The following P4HA3 variants were observed in gnomAD, a reference collection of about 807,000 sequenced individuals.
The protein encoded by P4HA3 is prolyl 4-hydroxylase subunit alpha 3.
Under a neutral mutation model 66.7 loss-of-function variants are expected in P4HA3, and 60 were observed. That is an observed-to-expected ratio of 0.90 (90% CI 0.73 to 1.12). P4HA3 has a LOEUF of 1.12. P4HA3 is among the 50% of genes most tolerant of loss of function. The probability of loss-of-function intolerance (pLI) is 0.00; values close to 1 mark genes in which losing one functional copy is unlikely to be tolerated. For missense variants in P4HA3, 683 were observed against 685.8 expected (o/e 1.00, Z 0.05); for synonymous variants, 263 against 274.6 (o/e 0.96, Z 0.42).
intron 15 of P4HA3, chr11:74,251,856 C>A: frequency 9.7e-7 from 1 of 1,036,022 alleles, no homozygotes; most frequent in Non-Finnish European, 1.5e-6. Flanking sequence ...CAGTGAAGAG[C>A]CTGGCATGTC....
intron 10 of P4HA3, among the ~76,000 whole-genome samples, chr11:74,271,042 G>A (rs149416662): frequency 7.4e-4 from 113 of 152,202 alleles, no homozygotes; most frequent in Middle Eastern, 3.4e-3. Context: ...TTTACCTCAC[G>A]CTGCCTAGCA....
chr11:74,286,995 A>T (rs1335429931), intron 5 of P4HA3: 1 of 660,228 alleles, frequency 1.5e-6, no homozygotes, highest in Non-Finnish European at 1.9e-6. Context: ...CAAATCTCCT[A>T]ACTGGCCTAG....
intron 7 of P4HA3, among the ~76,000 whole-genome samples, chr11:74,280,006 T>G (rs1351766200): frequency 6.6e-6 from 1 of 152,212 alleles, no homozygotes; most frequent in Non-Finnish European, 1.5e-5. Context: ...AAAATTGATA[T>G]ATAATAGTTA....
At position 74,278,485 on chromosome 11, in the gene P4HA3, G is replaced by A. The variant is rs142992828; in HGVS notation, c.1175+903C>T. 4.8e-3 allele frequency among the ~76,000 whole-genome samples: 727 copies of A among 152,292 alleles called. 2 individuals carry two copies. Among genetic ancestry groups the A allele is most frequent in the Non-Finnish European group, 6.6e-3 (446 of 68,026 alleles). ...TGACCTTTGGGAGACCAGCTCCAGC[G>A]AAGTTGTGAGGACAGAACCAAAAGT... On this transcript the variant is annotated intron_variant, in intron 8 of 12. Coordinates refer to ENST00000331597, the MANE Select transcript of P4HA3 (RefSeq NM_182904.5).
intron 5 of P4HA3, among the ~76,000 whole-genome samples, chr11:74,288,805 C>T (rs1860893187): frequency 6.6e-6 from 1 of 151,622 alleles, no homozygotes; most frequent in African/African-American, 2.4e-5. Context: ...AAAAATTAGC[C>T]AGGTGTGGTG....
chr11:74,263,242 C>G (rs1356516302), downstream of P4HA3, among the ~76,000 whole-genome samples: 1 of 152,232 alleles, frequency 6.6e-6, no homozygotes, highest in African/African-American at 2.4e-5. Flanking sequence ...ATGGGCAGAT[C>G]ACTCGACAAG....
At chr11:74,268,032 C>A in intron 12 of P4HA3, 113 bp downstream of exon 12, 1 of 870,638 alleles carries the variant, frequency 1.1e-6, no homozygotes, top group Admixed American at 2.1e-5. Flanking sequence ...TATAATGTGG[C>A]ACTGTAATGA....
At chr11:74,267,987 T>C (rs1860047306) in intron 12 of P4HA3, among the ~76,000 whole-genome samples, 158 bp downstream of exon 12, 1 of 152,206 alleles carries the variant, frequency 6.6e-6, no homozygotes, top group South Asian at 2.1e-4. Context: ...TCCCAGTCTG[T>C]TGGGGGCACC....
intron 3 of P4HA3, among the ~76,000 whole-genome samples, chr11:74,301,448 G>A (rs1158810880): frequency 6.6e-6 from 1 of 152,118 alleles, no homozygotes; most frequent in Non-Finnish European, 1.5e-5. Context: ...ATTGAGCTCT[G>A]ATTCCACTCA....
chr11:74,307,007 T>G (rs945014985), intron 1 of P4HA3, among the ~76,000 whole-genome samples: 42 of 152,266 alleles, frequency 2.8e-4, no homozygotes, highest in African/African-American at 9.9e-4. Flanking sequence ...ACTCCACTGC[T>G]TGATGAAAAA....
At chr11:74,286,497 A>C (rs1432045236) in intron 5 of P4HA3, 106 bp from the exon 6 acceptor site, 2 of 1,066,036 alleles carry the variant, frequency 1.9e-6, no homozygotes, top group Admixed American at 2.8e-5. Context: ...AGGATGGGCA[A>C]GTGGATCTCC....
At chr11:74,253,385 C>T in intron 15 of P4HA3, 1 of 1,169,742 alleles carries the variant, frequency 8.5e-7, no homozygotes, top group South Asian at 1.3e-5. Flanking sequence ...TCAGATTTGC[C>T]AGGGCCTTGG....
chr11:74,262,820 G>A (rs1859929518), downstream of P4HA3, among the ~76,000 whole-genome samples: 1 of 152,130 alleles, frequency 6.6e-6, no homozygotes, highest in East Asian at 1.9e-4. Flanking sequence ...CCCCCAACAG[G>A]AGACTCTTTC....
At chr11:74,298,103 T>C (rs937775851) in intron 4 of P4HA3, 109 bp downstream of exon 4, 3 of 1,371,134 alleles carry the variant, frequency 2.2e-6, no homozygotes, top group Non-Finnish European at 2.9e-6. Flanking sequence ...TTTGGTCCTA[T>C]TGGGAAGATG....
At position 74,302,523 on chromosome 11, in the gene P4HA3, C is replaced by T. The variant is rs755451827; in HGVS notation, c.413G>A (p.Arg138Lys). ...CACGTCCTGCAGCCGCATCAGGGCC[C>T]TTGCTGCTCCCTCAAGGTCCTCAAA... ...PAFEDLEGAA[R>K]ALMRLQDVYM... is the part of the protein sequence containing the mutation. Residue 138 changes from arginine to lysine, a missense_variant, in exon 3 of 13, where the codon AGG becomes AAG. By Grantham distance (26) the Arg-to-Lys change is conservative (BLOSUM62 2). Transcript: ENST00000331597. The T allele has an allele frequency of 6.2e-7, 1 of 1,614,114 alleles. No individual in the cohort carries two copies. The highest frequency in any genetic ancestry group is 8.5e-7 in the Non-Finnish European group (1 of 1,180,048).
downstream of P4HA3, among the ~76,000 whole-genome samples, chr11:74,263,274 A>T (rs936357326): frequency 5.3e-5 from 8 of 152,218 alleles, no homozygotes; most frequent in African/African-American, 7.2e-5. Flanking sequence ...CATTTGTGGA[A>T]CTGATTCATT....
Position 74,298,195 on chromosome 11 carries a change from T to C in P4HA3, c.717+17A>G, listed in dbSNP as rs917429492. 16 of 1,610,272 alleles carry C rather than the reference T, an allele frequency of 9.9e-6. 1 individual carries two copies. In the Admixed American group the frequency reaches 2.7e-4, roughly 27 times the overall value. On this transcript the variant is annotated intron_variant, in intron 4 of 12. Coordinates refer to ENST00000331597, the MANE Select transcript of P4HA3 (RefSeq NM_182904.5). ...ACTTAGTATAATAAAAGCAGTGAGC[T>C]TCACTTACTCCCTTACCCGGAAATA...
chr11:74,277,806 C>T (rs531126267), intron 8 of P4HA3, among the ~76,000 whole-genome samples: 167 of 152,272 alleles, frequency 1.1e-3, no homozygotes, highest in Middle Eastern at 3.4e-3. Flanking sequence ...AATTTACGTC[C>T]CTGGGAAGTG....
chr11:74,262,758 C>T (rs1015889054), downstream of P4HA3, among the ~76,000 whole-genome samples: 1 of 152,166 alleles, frequency 6.6e-6, no homozygotes, highest in African/African-American at 2.4e-5. Context: ...TCTCCCCACC[C>T]CAGCTCCTAC....
Sources: gnomAD v4.1 joint callset for allele counts (sites outside exome capture counted in the v4.1 genomes callset) on GRCh38, gnomAD v4.1.1 for gene constraint, MANE v1.5 for transcripts, NCBI Gene and HGNC (gene_info 2026-07-23, HGNC 2026-07-21) for gene names.